Variants in RPF2 observed in about 807,000 individuals in gnomAD.
RPF2 encodes brix domain containing 1.
Under a neutral mutation model 38.9 loss-of-function variants are expected in RPF2, and 21 were observed. The observed-to-expected ratio is 0.54, with a 90% confidence interval of 0.38 to 0.78. The LOEUF (loss-of-function observed/expected upper bound fraction) is 0.78, where lower values mean the gene tolerates loss of function less well. RPF2 is among the 30% of genes least tolerant of loss of function. RPF2 has a pLI of 0.00. For missense variants in RPF2, 314 were observed against 358.1 expected (o/e 0.88, Z 0.99); for synonymous variants, 121 against 126.2 (o/e 0.96, Z 0.28).
chr6:111,013,359 T>C (rs1166738048), intron 7 of RPF2, among the ~76,000 whole-genome samples: 3 of 152,218 alleles, frequency 2.0e-5, no homozygotes, highest in African/African-American at 7.2e-5. Flanking sequence ...GTTAGACATA[T>C]TTGCTTTCCG....
chr6:111,017,399 G>A (rs1288748336), intron 8 of RPF2, among the ~76,000 whole-genome samples: 12 of 147,816 alleles, frequency 8.1e-5, no homozygotes, highest in Non-Finnish European at 1.2e-4. Flanking sequence ...AGGCGGAGAC[G>A]CTCCTCACTT....
rs1473522804 is a variant in RPF2 at position 111,026,468 on chromosome 6, C to CCGGAACTA, written c.*888_*895dup. ...CCTCCCACTTCACCTTCCTGAGCAG[C>CCGGAACTA]CGGAACTACAGATGTTGGTCCACTG... On this transcript the variant is annotated 3_prime_UTR_variant, in exon 10 of 10. Coordinates refer to ENST00000441448, the MANE Select transcript of RPF2 (RefSeq NM_032194.3). 2.0e-5 allele frequency: 3 copies of CCGGAACTA among 152,274 alleles called. No homozygotes were observed. The highest frequency in any genetic ancestry group is 4.8e-5 in the African/African-American group (2 of 41,414). The allele number at this position is 152,274 out of a possible 1,614,324, so 9.4% of individuals were successfully genotyped here. A position where few individuals can be genotyped will look rare whatever the true frequency, so the allele number is the denominator to read the frequency against.
chr6:111,004,530 G>A (rs933403632), intron 6 of RPF2, among the ~76,000 whole-genome samples: 1 of 150,278 alleles, frequency 6.7e-6, no homozygotes, highest in Admixed American at 6.7e-5. Context: ...TATCAGTGCT[G>A]TATGTATTAA....
chr6:110,985,466 G>A (rs905390261), intron 2 of RPF2, among the ~76,000 whole-genome samples: 1 of 151,680 alleles, frequency 6.6e-6, no homozygotes, highest in African/African-American at 2.4e-5. Flanking sequence ...TTTGTAAAGA[G>A]AAGTAACTGC....
chr6:111,015,025 G>A lies in RPF2; in HGVS notation c.494-729G>A, dbSNP rs114058461. ...ACTCCTGAGCTTAAGCAATTCGCCC[G>A]CCTCAGTCTCCCAAAGTGCTGGGAT... On this transcript the variant is annotated intron_variant, in intron 7 of 9. Transcript: ENST00000441448. 7.3e-3 allele frequency among the ~76,000 whole-genome samples: 1,105 copies of A among 152,212 alleles called. 13 individuals are homozygous for A. The highest frequency in any genetic ancestry group is 0.034 in the Middle Eastern group (10 of 294).
chr6:111,025,098 G>T (rs538896256), intron 9 of RPF2, among the ~76,000 whole-genome samples: 22 of 152,344 alleles, frequency 1.4e-4, no homozygotes, highest in African/African-American at 5.3e-4. Flanking sequence ...CTTGATGTGT[G>T]ACAGTGGTTA....
At chr6:110,999,513 T>C (rs1771776597) in intron 5 of RPF2, among the ~76,000 whole-genome samples, 198 bp from the exon 6 acceptor site, 2 of 152,126 alleles carry the variant, frequency 1.3e-5, no homozygotes, top group Non-Finnish European at 2.9e-5. Flanking sequence ...CTAAGTAATA[T>C]CTGAGATCCT....
chr6:111,013,860 G>T (rs554526733), intron 7 of RPF2, among the ~76,000 whole-genome samples: 1 of 152,246 alleles, frequency 6.6e-6, no homozygotes, highest in South Asian at 2.1e-4. Context: ...TCCCAGGCCA[G>T]GCGTGGTGGC....
At chr6:111,013,322 T>G (rs756136870) in intron 7 of RPF2, among the ~76,000 whole-genome samples, 4 of 152,236 alleles carry the variant, frequency 2.6e-5, no homozygotes, top group Non-Finnish European at 5.9e-5. Flanking sequence ...AATACTCTGT[T>G]GTGTTCTAGC....
At chr6:111,007,556 C>G (rs1013328920) in intron 6 of RPF2, among the ~76,000 whole-genome samples, 1 of 151,986 alleles carries the variant, frequency 6.6e-6, no homozygotes, top group Non-Finnish European at 1.5e-5. Flanking sequence ...AAAAACCCAC[C>G]TCTGTTTTTG....
chr6:111,024,348 TACC>T, intron 9 of RPF2, 21 bp downstream of exon 9: 1 of 1,571,784 alleles, frequency 6.4e-7, no homozygotes, highest in East Asian at 2.2e-5. Flanking sequence ...TAGAGCTTGG[TACC>T]ACATTTATTT....
chr6:110,994,567 C>G (rs1771674906), intron 4 of RPF2, among the ~76,000 whole-genome samples: 1 of 151,728 alleles, frequency 6.6e-6, no homozygotes, highest in Non-Finnish European at 1.5e-5. Context: ...GCCTGGGCAA[C>G]AGAGTGAGAC....
At chr6:111,016,592 T>TG (rs1280131800) in intron 8 of RPF2, among the ~76,000 whole-genome samples, 4 of 122,182 alleles carry the variant, frequency 3.3e-5, no homozygotes, top group African/African-American at 1.3e-4. Flanking sequence ...GTGAGGGCGC[T>TG]GAAAAAACAA....
chr6:110,998,505 G>A (rs551527107), intron 5 of RPF2, among the ~76,000 whole-genome samples: 135 of 152,182 alleles, frequency 8.9e-4, no homozygotes, highest in Non-Finnish European at 1.5e-3. Context: ...CACTGTGCCC[G>A]GCCTGATCTA....
At chr6:111,009,918 C>T (rs543054512) in intron 7 of RPF2, among the ~76,000 whole-genome samples, 2 of 152,150 alleles carry the variant, frequency 1.3e-5, no homozygotes, top group Non-Finnish European at 2.9e-5. Context: ...AAGCAATCCT[C>T]CCACTTCAGC....
intron 2 of RPF2, among the ~76,000 whole-genome samples, chr6:110,987,518 C>A (rs187245056): frequency 6.6e-6 from 1 of 152,096 alleles, no homozygotes; most frequent in African/African-American, 2.4e-5. Context: ...TCCATCAGCA[C>A]AATGACCCTG....
chr6:111,009,879 G>C (rs902096197), intron 7 of RPF2, among the ~76,000 whole-genome samples: 3 of 152,022 alleles, frequency 2.0e-5, no homozygotes, highest in African/African-American at 7.2e-5. Context: ...TCACTGTGTT[G>C]CCCAGGCTGG....
chr6:111,002,810 C>A (rs188664437), intron 6 of RPF2, among the ~76,000 whole-genome samples: 2 of 151,828 alleles, frequency 1.3e-5, no homozygotes, highest in Admixed American at 6.6e-5. Context: ...CTCTTGTCGC[C>A]TAGGCAGGAG....
rs1411442831 is a variant in RPF2, at chr6:111,003,376, C to T, written c.393+3589C>T. 6.0e-5 allele frequency among the ~76,000 whole-genome samples: 9 copies of T among 150,570 alleles called. No homozygotes were observed. In the East Asian group the frequency reaches 1.4e-3, roughly 24 times the overall value. On this transcript the variant is annotated intron_variant, in intron 6 of 9. Coordinates refer to ENST00000441448, the MANE Select transcript of RPF2 (RefSeq NM_032194.3). The stretch of plus-strand genomic sequence containing the variant: ...CGTGATTTCGTCTCACTGCAACATG[C>T]GCCTACCTGGTTCAAGCAATTCTCC...
Sources: allele counts gnomAD v4.1 joint callset (sites outside exome capture counted in the v4.1 genomes callset), GRCh38; gene constraint gnomAD v4.1.1; transcripts MANE v1.5; gene names NCBI Gene and HGNC (gene_info 2026-07-23, HGNC 2026-07-21).